Variants in SUPT3H observed in about 807,000 individuals in gnomAD.
SUPT3H encodes SPT3 homolog, SAGA and STAGA complex component.
In SUPT3H, 44 loss-of-function variants were observed where a neutral mutation model predicts 44.3. That is an observed-to-expected ratio of 0.99 (90% CI 0.78 to 1.28). The LOEUF is 1.28. SUPT3H is among the 50% of genes most tolerant of loss of function. The probability of loss-of-function intolerance (pLI) is 0.00; values close to 1 mark genes in which losing one functional copy is unlikely to be tolerated. For synonymous variants in SUPT3H, 124 were observed against 125.6 expected, an observed-to-expected ratio of 0.99 and a Z score of 0.09; for missense variants, 380 against 387.1, an observed-to-expected ratio of 0.98 and a Z score of 0.15.
chr6:44,934,308 AAAT>A (rs1253498595), intron 9 of SUPT3H, among the ~76,000 whole-genome samples: 1 of 152,188 alleles, frequency 6.6e-6, no homozygotes, highest in Non-Finnish European at 1.5e-5. Context: ...CACAGGTACA[AAAT>A]AATATATATA....
intron 2 of SUPT3H, among the ~76,000 whole-genome samples, chr6:45,108,307 T>C (rs1799555525): frequency 6.6e-6 from 1 of 152,186 alleles, no homozygotes; most frequent in Admixed American, 6.5e-5. Context: ...GAAACCCTGT[T>C]TCTACTAAAA....
At chr6:45,210,196 A>G (rs555833161) in intron 2 of SUPT3H, among the ~76,000 whole-genome samples, 265 of 152,330 alleles carry the variant, frequency 1.7e-3, no homozygotes, top group Non-Finnish European at 2.8e-3. Context: ...CTGTTAGGCA[A>G]ATCTGCCATC....
intron 10 of SUPT3H, among the ~76,000 whole-genome samples, chr6:44,900,924 A>C (rs1356709557): frequency 1.3e-5 from 2 of 152,168 alleles, no homozygotes; most frequent in Non-Finnish European, 2.9e-5. Context: ...TCTGGAGTGG[A>C]CCTCCAGCAA....
intron 7 of SUPT3H, among the ~76,000 whole-genome samples, chr6:44,960,559 T>C (rs1775884200): frequency 6.6e-6 from 1 of 152,094 alleles, no homozygotes; most frequent in Admixed American, 6.5e-5. Context: ...AGTGTGAAAG[T>C]AGTATGTCTG....
intron 11 of SUPT3H, among the ~76,000 whole-genome samples, chr6:44,813,842 C>T (rs1286456413): frequency 6.6e-6 from 1 of 151,470 alleles, no homozygotes; most frequent in African/African-American, 2.4e-5. Flanking sequence ...GAAAAGGGTA[C>T]AGAAGACATA....
intron 10 of SUPT3H, among the ~76,000 whole-genome samples, chr6:44,836,846 T>C (rs1770006705): frequency 6.6e-6 from 1 of 152,218 alleles, no homozygotes; most frequent in East Asian, 1.9e-4. Context: ...GTATAAATTC[T>C]TTCCATGACA....
At chr6:44,845,481 T>A (rs1561875464) in intron 10 of SUPT3H, among the ~76,000 whole-genome samples, 1 of 152,130 alleles carries the variant, frequency 6.6e-6, no homozygotes, top group East Asian at 1.9e-4. Flanking sequence ...GGCAAAGAAG[T>A]GCTGGGAAGA....
intron 3 of SUPT3H, chr6:45,098,304 T>C (rs1171645135): frequency 6.5e-6 from 1 of 154,918 alleles, no homozygotes; most frequent in African/African-American, 2.4e-5. Context: ...CCCATCCAGG[T>C]TAATAATGCA....
intron 10 of SUPT3H, among the ~76,000 whole-genome samples, chr6:44,908,311 C>T (rs987981223): frequency 1.3e-5 from 2 of 151,860 alleles, no homozygotes; most frequent in Non-Finnish European, 2.9e-5. Flanking sequence ...ACCACCATGC[C>T]CAGCTAATTT....
At chr6:45,255,431 T>G (rs1232286414) in intron 2 of SUPT3H, among the ~76,000 whole-genome samples, 17 of 150,304 alleles carry the variant, frequency 1.1e-4, no homozygotes, top group Admixed American at 1.1e-3. Flanking sequence ...TTTTTTTTTT[T>G]TTTTTTCAGT....
intron 1 of SUPT3H, among the ~76,000 whole-genome samples, chr6:45,374,958 G>C (rs1796573146): frequency 6.6e-6 from 1 of 152,218 alleles, no homozygotes; most frequent in African/African-American, 2.4e-5. Flanking sequence ...TGTAATCCCA[G>C]AACTTTGGGA....
chr6:44,845,680 A>G (rs1413959767), intron 10 of SUPT3H, among the ~76,000 whole-genome samples: 1 of 152,210 alleles, frequency 6.6e-6, no homozygotes, highest in East Asian at 1.9e-4. Flanking sequence ...CAAGAGGAAC[A>G]CACTGGCAGA....
chr6:44,937,386 C>T (rs556909502), intron 9 of SUPT3H, among the ~76,000 whole-genome samples: 8 of 151,856 alleles, frequency 5.3e-5, no homozygotes, highest in Non-Finnish European at 1.2e-4. Flanking sequence ...CCCAGCTACT[C>T]GGGAGGCTGA....
chr6:45,350,310 A>G (rs932382845), intron 2 of SUPT3H, among the ~76,000 whole-genome samples: 4 of 152,226 alleles, frequency 2.6e-5, no homozygotes, highest in Admixed American at 2.6e-4. Flanking sequence ...ATAATCTTCT[A>G]GATTAAATGT....
chr6:45,059,009 T>C (rs1432571429), intron 3 of SUPT3H, among the ~76,000 whole-genome samples: 1 of 152,170 alleles, frequency 6.6e-6, no homozygotes, highest in East Asian at 1.9e-4. Flanking sequence ...ATTTATAATA[T>C]AGGTGTAAGA....
chr6:45,093,648 G>C (rs142883855), intron 3 of SUPT3H, among the ~76,000 whole-genome samples: 1 of 152,028 alleles, frequency 6.6e-6, no homozygotes, highest in Non-Finnish European at 1.5e-5. Flanking sequence ...CAAAGAAAGA[G>C]GGAGAAAGAG....
At chr6:45,109,236 C>T (rs933172910) in intron 2 of SUPT3H, among the ~76,000 whole-genome samples, 1 of 151,936 alleles carries the variant, frequency 6.6e-6, no homozygotes, top group African/African-American at 2.4e-5. Flanking sequence ...AAGCAAACTC[C>T]ACAAAGGCAA....
chr6:44,841,432 C>T (rs1322187525), intron 10 of SUPT3H, among the ~76,000 whole-genome samples: 1 of 152,100 alleles, frequency 6.6e-6, no homozygotes, highest in Non-Finnish European at 1.5e-5. Context: ...AATGGTAAGG[C>T]TTGGTCCTCA....
chr6:45,223,321 ATCTG>A (rs1487101375), intron 2 of SUPT3H, among the ~76,000 whole-genome samples: 2 of 152,200 alleles, frequency 1.3e-5, no homozygotes, highest in East Asian at 3.9e-4. Context: ...GATACACAGG[ATCTG>A]TCTGTATTAT....
Sources: allele counts gnomAD v4.1 joint callset (sites outside exome capture counted in the v4.1 genomes callset), GRCh38; gene constraint gnomAD v4.1.1; transcripts MANE v1.5; gene names NCBI Gene and HGNC (gene_info 2026-07-23, HGNC 2026-07-21).